Variants in C9orf153 observed in about 807,000 individuals in gnomAD.
C9orf153 encodes the protein chromosome 9 open reading frame 153.
A neutral mutation model predicts 9.0 loss-of-function variants in C9orf153; 10 were observed. The observed-to-expected ratio is 1.11, with a 90% CI of 0.69 to 1.89. C9orf153 has a LOEUF of 1.89. Ranked by LOEUF, C9orf153 falls within the 40% of genes most tolerant of loss-of-function variation. The probability of loss-of-function intolerance (pLI) is 0.00; values close to 1 mark genes in which losing one functional copy is unlikely to be tolerated. For missense variants in C9orf153, 108 were observed against 111.0 expected (o/e 0.97, Z 0.12); for synonymous variants, 35 against 37.3 (o/e 0.94, Z 0.23).
chr9:86,251,039 G>A (rs1013328282), intron 1 of C9orf153, among the ~76,000 whole-genome samples: 1 of 152,196 alleles, frequency 6.6e-6, no homozygotes, highest in African/African-American at 2.4e-5. Context: ...GACTACAGGT[G>A]TGAGCCACTG....
chr9:86,226,423 G>T (rs1824333366), intron 3 of C9orf153, among the ~76,000 whole-genome samples: 1 of 152,050 alleles, frequency 6.6e-6, no homozygotes, highest in Non-Finnish European at 1.5e-5. Context: ...CTGGGTTCAA[G>T]TTATCCTCTC....
chr9:86,245,101 G>A (rs73486945), intron 1 of C9orf153, among the ~76,000 whole-genome samples: 9,921 of 152,144 alleles, frequency 0.065, 1,125 homozygotes, highest in African/African-American at 0.22. Context: ...TAATTTTTGT[G>A]TTTTTAGTAG....
intron 1 of C9orf153, among the ~76,000 whole-genome samples, chr9:86,232,580 G>A (rs772556845): frequency 2.6e-5 from 4 of 151,942 alleles, no homozygotes; most frequent in East Asian, 3.9e-4. Flanking sequence ...AGAAACTCTC[G>A]GGGATGGTAT....
chr9:86,246,349 G>C (rs1211060960), intron 1 of C9orf153, among the ~76,000 whole-genome samples: 1 of 152,118 alleles, frequency 6.6e-6, no homozygotes, highest in South Asian at 2.1e-4. Flanking sequence ...CTAAGGATTT[G>C]GGAAAAGTGA....
chr9:86,258,083 C>T (rs939191949), intron 1 of C9orf153, among the ~76,000 whole-genome samples: 2 of 152,132 alleles, frequency 1.3e-5, no homozygotes, highest in Admixed American at 1.3e-4. Context: ...GTGGCTCACG[C>T]CCATAATCCC....
At chr9:86,253,485 T>C (rs1333667943) in intron 1 of C9orf153, among the ~76,000 whole-genome samples, 1 of 152,224 alleles carries the variant, frequency 6.6e-6, no homozygotes, top group Admixed American at 6.5e-5. Flanking sequence ...GTTCCTAGTT[T>C]CAAGAGGCTT....
intron 1 of C9orf153, among the ~76,000 whole-genome samples, chr9:86,240,726 T>TTTTTTTG (rs71372477): frequency 1.9e-5 from 2 of 107,432 alleles, no homozygotes; most frequent in Non-Finnish European, 3.7e-5. Flanking sequence ...TTTTTTTTTT[T>TTTTTTTG]GAGATGGAGT....
intron 1 of C9orf153, among the ~76,000 whole-genome samples, chr9:86,259,015 T>C (rs1182687434): frequency 6.7e-6 from 1 of 149,530 alleles, no homozygotes; most frequent in Non-Finnish European, 1.5e-5. Context: ...ACTTTGATAG[T>C]ATCATACAGA....
At position 86,228,005 on chromosome 9, in the gene C9orf153, T is replaced by G; in HGVS notation, c.92A>C (p.Glu31Ala). The change falls in exon 3 of 4, where the codon GAG becomes GCG. Residue 31 changes from glutamate to alanine, a missense_variant. Coordinates refer to ENST00000339137, the MANE Select transcript of C9orf153 (RefSeq NM_001276366.4). ...TTTCTTGCTCTCCTTATTAAAATTCTCAATACATGCATATAATTCTGGAAG... is the reference window on the plus strand; with the variant it reads ...TTTCTTGCTCTCCTTATTAAAATTCGCAATACATGCATATAATTCTGGAAG... ...CSLPELYACIENFNKESKKSN... is the reference protein window; with the variant it reads ...CSLPELYACIANFNKESKKSN... 6.2e-7 allele frequency: 1 copy of G among 1,610,420 alleles called. No individual in the cohort carries two copies. The highest frequency in any genetic ancestry group is 8.5e-7 in the Non-Finnish European group (1 of 1,178,264).
At position 86,221,666 on chromosome 9, in the gene C9orf153, G is replaced by A; in HGVS notation, c.*22C>T. The A allele has an allele frequency of 6.5e-7, 1 of 1,547,558 alleles. No homozygotes were observed. Among genetic ancestry groups the A allele is most frequent in the Non-Finnish European group, 8.7e-7 (1 of 1,145,680 alleles). ...TGTCTCCGAATGAAATTGCAGTAGT[G>A]CGCCTCCACTTCGCAAGCCCCTTAA... On this transcript the variant is annotated 3_prime_UTR_variant, in exon 4 of 4. Transcript: ENST00000339137.
chr9:86,227,225 C>A lies in C9orf153; in HGVS notation c.242+630G>T, dbSNP rs959873673. On this transcript the variant is annotated intron_variant, in intron 3 of 3. Transcript: ENST00000339137. ...GCAGTGGTGTGATCATAGTTCACTG[C>A]CACCTCAAACACATGTGCTCAAGTG... 1.2e-5 allele frequency: 14 copies of A among 1,175,832 alleles called. No individual in the cohort carries two copies. In the African/African-American group the frequency reaches 1.4e-4, roughly 12 times the overall value. The allele number at this position is 1,175,832 out of a possible 1,614,324, so 72.8% of individuals were successfully genotyped here.
At chr9:86,229,486 T>G (rs144619271) in intron 2 of C9orf153, 52 bp downstream of exon 2, 5 of 1,265,158 alleles carry the variant, frequency 4.0e-6, no homozygotes, top group Non-Finnish European at 5.7e-6. Context: ...TTTATGATTC[T>G]TGAATGTAAA....
At chr9:86,223,726 T>C (rs1563996111) in intron 3 of C9orf153, among the ~76,000 whole-genome samples, 1 of 152,124 alleles carries the variant, frequency 6.6e-6, no homozygotes, top group Non-Finnish European at 1.5e-5. Context: ...GACAGAAGTG[T>C]CAATGTGGCT....
chr9:86,256,908 C>G (rs2131212130), intron 1 of C9orf153, among the ~76,000 whole-genome samples: 1 of 152,132 alleles, frequency 6.6e-6, no homozygotes, highest in South Asian at 2.1e-4. Flanking sequence ...ACCTGTAATC[C>G]CAGCTACACG....
chr9:86,247,197 A>G (rs1053035565), intron 1 of C9orf153, among the ~76,000 whole-genome samples: 6 of 152,122 alleles, frequency 3.9e-5, no homozygotes, highest in African/African-American at 1.4e-4. Flanking sequence ...TTTGCTCCCT[A>G]TGGCCAAGTA....
chr9:86,248,588 T>C (rs959877821), intron 1 of C9orf153, among the ~76,000 whole-genome samples: 4 of 152,310 alleles, frequency 2.6e-5, no homozygotes, highest in South Asian at 4.1e-4. Context: ...GGGCCTTGCA[T>C]CTAGCACTTA....
In C9orf153 at chr9:86,227,212, T is replaced by C. The variant is rs578193235; in HGVS notation, c.242+643A>G. 3.8e-6 allele frequency: 4 copies of C among 1,061,188 alleles called. No homozygotes were observed. The East Asian group carries it at 1.3e-4, about 35-fold the overall frequency. 65.7% of individuals were successfully genotyped at this position (1,061,188 alleles called of 1,614,324 possible). ...CCAAGGCTGAAATGCAGTGGTGTGA[T>C]CATAGTTCACTGCCACCTCAAACAC... On this transcript the variant is annotated intron_variant, in intron 3 of 3. Coordinates refer to ENST00000339137, the MANE Select transcript of C9orf153 (RefSeq NM_001276366.4).
intron 1 of C9orf153, among the ~76,000 whole-genome samples, chr9:86,254,969 G>A (rs1473676903): frequency 1.3e-5 from 2 of 151,970 alleles, no homozygotes; most frequent in Non-Finnish European, 2.9e-5. Flanking sequence ...GGAGGCTTAG[G>A]TGGGAGAATG....
In C9orf153 at chr9:86,221,322, A is replaced by G. The variant is rs759160115; in HGVS notation, c.*366T>C. The G allele has an allele frequency of 1.7e-5, 3 of 181,816 alleles. No individual in the cohort carries two copies. The highest frequency in any genetic ancestry group is 2.4e-5 in the African/African-American group (1 of 42,548). The allele number at this position is 181,816 out of a possible 1,614,324, so 11.3% of individuals were successfully genotyped here. ...CGTCCAAACCACTTCTCACGTTAGC[A>G]GATTAAATCGGACCTTTTGCTCTGT... On this transcript the variant is annotated 3_prime_UTR_variant, in exon 4 of 4. Transcript: ENST00000339137.
Sources: gnomAD v4.1 joint callset for allele counts (sites outside exome capture counted in the v4.1 genomes callset) on GRCh38, gnomAD v4.1.1 for gene constraint, MANE v1.5 for transcripts, NCBI Gene and HGNC (gene_info 2026-07-23, HGNC 2026-07-21) for gene names.